LRIF1: variants seen among roughly 807,000 people sequenced by gnomAD.
LRIF1 encodes the protein ligand-dependent nuclear receptor-interacting factor 1.
In LRIF1, 32 loss-of-function variants were observed where a neutral mutation model predicts 52.7. That is an observed-to-expected ratio of 0.61 (90% confidence interval 0.46 to 0.82). The LOEUF (loss-of-function observed/expected upper bound fraction) is 0.82, where lower values mean the gene tolerates loss of function less well. LRIF1 is among the 40% of genes least tolerant of loss of function. LRIF1 has a pLI of 0.00. For synonymous variants in LRIF1, 323 were observed against 317.4 expected (o/e 1.02, Z -0.19); for missense variants, 887 against 892.0 (o/e 0.99, Z 0.07).
chr1:110,882,376 T>A, the LRIF1 span, among the ~76,000 whole-genome samples: 1 of 151,806 alleles, frequency 6.6e-6, no homozygotes, highest in South Asian at 2.1e-4. Flanking sequence ...TAATTTTGTA[T>A]TTTTTTTGAA....
the LRIF1 span, chr1:110,939,798 T>C: frequency 6.6e-6 from 1 of 152,200 alleles, no homozygotes; most frequent in African/African-American, 2.4e-5. Context: ...AGAATGAAAC[T>C]AGACTCCTAT....
At chr1:110,896,708 C>T in the LRIF1 span, 1 of 1,613,482 alleles carries the variant, frequency 6.2e-7, no homozygotes, top group East Asian at 2.2e-5. Flanking sequence ...CCACCAGCAT[C>T]TTGCCCCTCA....
At chr1:110,915,550 G>A in the LRIF1 span, among the ~76,000 whole-genome samples, 9 of 151,926 alleles carry the variant, frequency 5.9e-5, no homozygotes, top group African/African-American at 2.2e-4. Context: ...GTACAAAACC[G>A]TATTATTTAG....
the LRIF1 span, among the ~76,000 whole-genome samples, chr1:110,920,602 A>G: frequency 6.6e-6 from 1 of 152,194 alleles, no homozygotes; most frequent in Non-Finnish European, 1.5e-5. Flanking sequence ...TAATACTACA[A>G]TGGTAGATAC....
chr1:110,908,637 G>T, the LRIF1 span, among the ~76,000 whole-genome samples: 1 of 151,950 alleles, frequency 6.6e-6, no homozygotes, highest in South Asian at 2.1e-4. Flanking sequence ...GCTAAGGAAA[G>T]AATCTCAGAA....
chr1:110,919,862 G>C, the LRIF1 span, among the ~76,000 whole-genome samples: 1 of 152,080 alleles, frequency 6.6e-6, no homozygotes, highest in African/African-American at 2.4e-5. Flanking sequence ...ATAAGAAAAT[G>C]AGCCACCTAA....
At chr1:110,930,612 A>T in the LRIF1 span, among the ~76,000 whole-genome samples, 1 of 152,166 alleles carries the variant, frequency 6.6e-6, no homozygotes, top group Non-Finnish European at 1.5e-5. Flanking sequence ...AAGTAACTAT[A>T]ACCTTAATTA....
At chr1:110,901,462 C>T in the LRIF1 span, among the ~76,000 whole-genome samples, 45 of 149,618 alleles carry the variant, frequency 3.0e-4, no homozygotes, top group African/African-American at 1.1e-3. Flanking sequence ...AGGTGTGAGC[C>T]ACCTCGCACC....
the LRIF1 span, among the ~76,000 whole-genome samples, chr1:110,908,557 C>T: frequency 1.3e-5 from 2 of 152,128 alleles, no homozygotes; most frequent in African/African-American, 2.4e-5. Flanking sequence ...CCAAACTGAA[C>T]TTCTGAAATG....
At chr1:110,941,624 A>C in the LRIF1 span, 14 of 152,116 alleles carry the variant, frequency 9.2e-5, no homozygotes, top group Admixed American at 2.6e-4. Flanking sequence ...TCACTTGCTT[A>C]ACTGTGGTTG....
At chr1:110,926,898 G>A in the LRIF1 span, among the ~76,000 whole-genome samples, 437 of 152,278 alleles carry the variant, frequency 2.9e-3, 1 homozygote, top group African/African-American at 0.01. Flanking sequence ...AGTGTGCACT[G>A]AGAAATAGAT....
the LRIF1 span, among the ~76,000 whole-genome samples, chr1:110,917,920 T>C: frequency 6.7e-6 from 1 of 149,362 alleles, no homozygotes; most frequent in Non-Finnish European, 1.5e-5. Context: ...TGTTTTATGC[T>C]CAAATAATTT....
At chr1:110,915,755 A>G in the LRIF1 span, among the ~76,000 whole-genome samples, 1 of 152,354 alleles carries the variant, frequency 6.6e-6, no homozygotes, top group African/African-American at 2.4e-5. Context: ...TTTTATCACT[A>G]CTTGTTCAAA....
the LRIF1 span, among the ~76,000 whole-genome samples, chr1:110,924,604 C>T: frequency 1.3e-5 from 2 of 152,178 alleles, no homozygotes; most frequent in Non-Finnish European, 2.9e-5. Context: ...TGGAGGAAAC[C>T]GCCCCCATGA....
At chr1:110,925,127 T>G in the LRIF1 span, among the ~76,000 whole-genome samples, 1 of 152,204 alleles carries the variant, frequency 6.6e-6, no homozygotes, top group Non-Finnish European at 1.5e-5. Context: ...TTCTTGATGT[T>G]TATGTGAAGG....
chr1:110,905,954 T>A, the LRIF1 span, among the ~76,000 whole-genome samples: 1 of 152,160 alleles, frequency 6.6e-6, no homozygotes, highest in Non-Finnish European at 1.5e-5. Context: ...GCAGAGAGTG[T>A]TAAGTTGTTA....
At chr1:110,897,982 CAATAA>C in the LRIF1 span, 1 of 635,274 alleles carries the variant, frequency 1.6e-6, no homozygotes, top group Non-Finnish European at 2.7e-6. Flanking sequence ...AGTATTTACA[CAATAA>C]ATGTTAGCTA....
At chr1:110,875,974 A>C in the LRIF1 span, among the ~76,000 whole-genome samples, 2 of 152,250 alleles carry the variant, frequency 1.3e-5, no homozygotes, top group Admixed American at 1.3e-4. Flanking sequence ...CTACCCAAGC[A>C]ATAGCATCAA....
rs751943537 is a variant in LRIF1 at position 110,951,971 on chromosome 1, C to T, written c.913G>A (p.Val305Ile). The T allele has an allele frequency of 1.9e-6, 3 of 1,614,106 alleles. No homozygotes were observed. Among genetic ancestry groups the T allele is most frequent in the South Asian group, 1.1e-5 (1 of 91,066 alleles). The change falls in exon 2 of 4, where the codon GTT (valine) becomes ATT (isoleucine). Residue 305 changes from valine to isoleucine, a missense_variant. By Grantham distance (29) the Val-to-Ile change is conservative (BLOSUM62 3). Transcript: ENST00000369763. ...ACATTATTTGAAGACTTAACAGGAACAAGAGATGGCGTAAAAGGCTGTAGA... is the reference window on the plus strand; with the variant it reads ...ACATTATTTGAAGACTTAACAGGAATAAGAGATGGCGTAAAAGGCTGTAGA... Reference protein sequence around the residue: ...DNLQPFTPSLVPVKSSNNVAS... With the variant: ...DNLQPFTPSLIPVKSSNNVAS...
Sources: gnomAD v4.1 joint callset for allele counts (sites outside exome capture counted in the v4.1 genomes callset) on GRCh38, gnomAD v4.1.1 for gene constraint, MANE v1.5 for transcripts, NCBI Gene and HGNC (gene_info 2026-07-23, HGNC 2026-07-21) for gene names.